IARS1: variants seen among roughly 807,000 people sequenced by gnomAD.
IARS1 encodes the protein isoleucyl-tRNA synthetase 1.
In IARS1, 124 loss-of-function variants were observed where a neutral mutation model predicts 168.2. The observed-to-expected ratio is 0.74, with a 90% CI of 0.64 to 0.86. The LOEUF (loss-of-function observed/expected upper bound fraction) is 0.86, where lower values mean the gene tolerates loss of function less well. Among genes scored for constraint, IARS1 ranks in the 40% least tolerant of loss-of-function variants. The pLI is 0.00. For synonymous variants in IARS1, 532 were observed against 529.4 expected (o/e 1.00, Z -0.07); for missense variants, 1,452 against 1,515.8 (o/e 0.96, Z 0.70).
At chr9:92,291,406 T>A (rs1471346857) in intron 1 of IARS1, among the ~76,000 whole-genome samples, 4 of 152,164 alleles carry the variant, frequency 2.6e-5, no homozygotes, top group Non-Finnish European at 5.9e-5. Context: ...CAAGTTATCA[T>A]TTAAAAAAAA....
chr9:92,252,022 A>C, intron 21 of IARS1, 137 bp from the exon 22 acceptor site: 1 of 690,880 alleles, frequency 1.4e-6, no homozygotes, highest in Non-Finnish European at 2.4e-6. Flanking sequence ...GAAAGGAGAA[A>C]GGGCCACGAC....
chr9:92,263,992 C>T (rs1831912081), intron 16 of IARS1, among the ~76,000 whole-genome samples: 1 of 152,172 alleles, frequency 6.6e-6, no homozygotes, highest in East Asian at 1.9e-4. Flanking sequence ...GAAAATGACA[C>T]CAACAATTCC....
intron 20 of IARS1, among the ~76,000 whole-genome samples, chr9:92,256,183 C>CTT (rs773558436): frequency 1.4e-5 from 2 of 138,294 alleles, no homozygotes; most frequent in South Asian, 2.3e-4. Flanking sequence ...TTCCCCAGGG[C>CTT]TTTTTTTTTT....
Position 92,222,681 on chromosome 9 carries a change from G to C in IARS1, c.3554-9C>G, listed in dbSNP as rs370770912. Reference sequence around the variant, plus strand: ...TGTCCCCATTAAACACTCTGTGGAAGACAGAACAAACTGGATTAAATCTCG... The same window carrying C: ...TGTCCCCATTAAACACTCTGTGGAACACAGAACAAACTGGATTAAATCTCG... On this transcript the variant is annotated splice_polypyrimidine_tract_variant and intron_variant, in intron 32 of 33. Coordinates refer to ENST00000443024, the MANE Select transcript of IARS1 (RefSeq NM_002161.6). The C allele has an allele frequency of 1.5e-5, 25 of 1,613,364 alleles. No homozygotes were observed. Among genetic ancestry groups the C allele is most frequent in the Non-Finnish European group, 2.0e-5 (24 of 1,179,764 alleles).
Position 92,269,936 on chromosome 9 carries a change from C to G in IARS1, c.1253G>C (p.Arg418Pro). The G allele has an allele frequency of 6.2e-7, 1 of 1,613,812 alleles. No homozygotes were observed. The highest frequency in any genetic ancestry group is 8.5e-7 in the Non-Finnish European group (1 of 1,179,784). ...GAGCTGGTCCACCATGTTCTCCACT[C>G]GCACAAACCAGCTGGGCACTGCTTT... ...IYKAVPSWFV[R>P]VENMVDQLLR... is the part of the protein sequence containing the mutation. The change falls in exon 13 of 34, where the codon CGA becomes CCA. Residue 418 changes from arginine (R) to proline (P), a missense_variant. Coordinates refer to ENST00000443024, the MANE Select transcript of IARS1 (RefSeq NM_002161.6).
At chr9:92,256,061 ACT>A (rs1391663876) in intron 20 of IARS1, among the ~76,000 whole-genome samples, 5 of 151,828 alleles carry the variant, frequency 3.3e-5, no homozygotes, top group African/African-American at 1.2e-4. Context: ...ACTTCAGGCA[ACT>A]CTCTGGATTG....
intron 33 of IARS1, among the ~76,000 whole-genome samples, chr9:92,221,449 T>A (rs2133388953): frequency 6.6e-6 from 1 of 152,240 alleles, no homozygotes; most frequent in African/African-American, 2.4e-5. Flanking sequence ...CAAGAATGGG[T>A]ATAAATAGAA....
intron 1 of IARS1, among the ~76,000 whole-genome samples, chr9:92,291,955 T>C (rs927196670): frequency 6.6e-6 from 1 of 152,052 alleles, no homozygotes; most frequent in African/African-American, 2.4e-5. Flanking sequence ...TTCAGGAATA[T>C]CTATCTGAAT....
intron 31 of IARS1, among the ~76,000 whole-genome samples, chr9:92,228,322 C>T (rs1826086599): frequency 1.3e-5 from 2 of 151,996 alleles, no homozygotes; most frequent in African/African-American, 4.8e-5. Flanking sequence ...CAATACGTAA[C>T]AGCGGGAGAA....
chr9:92,271,188 T>C, intron 11 of IARS1, 112 bp from the exon 12 acceptor site: 1 of 623,500 alleles, frequency 1.6e-6, no homozygotes, highest in South Asian at 2.9e-5. Flanking sequence ...TAACAAATAT[T>C]ATTTATTATT....
chr9:92,285,989 AG>A, intron 5 of IARS1, 150 bp from the exon 6 acceptor site: 1 of 579,464 alleles, frequency 1.7e-6, no homozygotes, highest in Non-Finnish European at 3.1e-6. Flanking sequence ...AAATTATAAC[AG>A]ATCAATATAG....
At chr9:92,280,278 C>T (rs1215921412) in intron 7 of IARS1, among the ~76,000 whole-genome samples, 2 of 152,170 alleles carry the variant, frequency 1.3e-5, no homozygotes, top group Non-Finnish European at 2.9e-5. Context: ...TTTTCTTTTA[C>T]CGCCACAAAA....
intron 3 of IARS1, 54 bp downstream of exon 3, chr9:92,288,072 T>C: frequency 6.4e-7 from 1 of 1,571,050 alleles, no homozygotes; most frequent in South Asian, 1.2e-5. Flanking sequence ...TATGACAAAA[T>C]CTAATGCTTA....
At chr9:92,257,360 C>T (rs2133767763) in intron 19 of IARS1, among the ~76,000 whole-genome samples, 1 of 152,346 alleles carries the variant, frequency 6.6e-6, no homozygotes, top group South Asian at 2.1e-4. Context: ...GATAATGTGA[C>T]TCTTCCTCTG....
At chr9:92,232,460 G>A (rs1826867895) in intron 30 of IARS1, among the ~76,000 whole-genome samples, 1 of 152,180 alleles carries the variant, frequency 6.6e-6, no homozygotes, top group African/African-American at 2.4e-5. Context: ...GTAAGGTGAA[G>A]CTATGAAGTA....
intron 33 of IARS1, among the ~76,000 whole-genome samples, chr9:92,215,149 C>A (rs909938272): frequency 2.0e-5 from 3 of 152,204 alleles, no homozygotes; most frequent in African/African-American, 4.8e-5. Context: ...GAGGCACCCC[C>A]CAGCAGGGGC....
chr9:92,267,776 T>C (rs978772958), intron 14 of IARS1, among the ~76,000 whole-genome samples: 1 of 152,156 alleles, frequency 6.6e-6, no homozygotes, highest in African/African-American at 2.4e-5. Flanking sequence ...TAAAGGTCTG[T>C]AATGCTTTGG....
intron 22 of IARS1, among the ~76,000 whole-genome samples, chr9:92,251,545 C>T (rs1212386411): frequency 6.6e-6 from 1 of 152,102 alleles, no homozygotes; most frequent in Admixed American, 6.6e-5. Context: ...ACTGTAGATC[C>T]TCATTCTAGA....
At chr9:92,275,008 G>A (rs1259392630) in intron 9 of IARS1, among the ~76,000 whole-genome samples, 2 of 152,168 alleles carry the variant, frequency 1.3e-5, no homozygotes, top group Non-Finnish European at 2.9e-5. Context: ...CTACTTACAG[G>A]TACTCCACCA....
Sources: gnomAD v4.1 joint callset for allele counts (sites outside exome capture counted in the v4.1 genomes callset) on GRCh38, gnomAD v4.1.1 for gene constraint, MANE v1.5 for transcripts, NCBI Gene and HGNC (gene_info 2026-07-23, HGNC 2026-07-21) for gene names.